SPHK2: variants seen among roughly 807,000 people sequenced by gnomAD.
The protein encoded by SPHK2 is sphingosine kinase 2.
Under a neutral mutation model 32.3 loss-of-function variants are expected in SPHK2, and 18 were observed. That is an observed-to-expected ratio of 0.56 (90% CI 0.39 to 0.83). The LOEUF is 0.83. SPHK2 is among the 40% of genes least tolerant of loss of function. The pLI, the probability that SPHK2 is intolerant of heterozygous loss-of-function variation, is 0.00. For synonymous variants in SPHK2, 462 were observed against 417.6 expected (o/e 1.11, Z -1.30); for missense variants, 850 against 908.7 (o/e 0.94, Z 0.83).
At position 48,628,200 on chromosome 19, in the gene SPHK2, A is replaced by C. The variant is rs757657024; in HGVS notation, c.795A>C (p.Glu265Asp). The C allele has an allele frequency of 5.3e-5, 86 of 1,613,646 alleles. No homozygotes were observed. The highest frequency in any genetic ancestry group is 6.4e-5 in the Non-Finnish European group (76 of 1,179,938). Reference sequence around the variant, plus strand: ...TCCTAGATCGCCCTGACTGGGAGGAAGCTGTGAAGATGCCTGTGGGCATCC... The same window carrying C: ...TCCTAGATCGCCCTGACTGGGAGGACGCTGTGAAGATGCCTGTGGGCATCC... Reference protein sequence around the residue: ...NGLLDRPDWEEAVKMPVGILP... With the variant: ...NGLLDRPDWEDAVKMPVGILP... The change falls in exon 6 of 7, where the codon GAA becomes GAC. Residue 265 changes from glutamate to aspartate, a missense_variant. Physicochemically the swap from Glu to Asp is conservative, Grantham distance 45. Transcript: ENST00000245222. The surrounding 1 kb of genome is among the most constrained non-coding windows in gnomAD (Gnocchi z 5.2).
rs779108312 is a variant in SPHK2, at chr19:48,622,757, CTTTTTTTTTT to C, written c.39+2221_39+2230del. 1.2e-4 allele frequency among the ~76,000 whole-genome samples: 13 copies of C among 108,546 alleles called. No individual in the cohort carries two copies. The East Asian group carries it at 1.9e-3, about 16-fold the overall frequency. The allele number at this position is 108,546 out of a possible 152,430, so 71.2% of individuals were successfully genotyped here. A position where few individuals can be genotyped will look rare whatever the true frequency, so the allele number is the denominator to read the frequency against. On this transcript the variant is annotated intron_variant, in intron 2 of 6. Transcript: ENST00000245222. ...CAAACTTCTTCCTACATTTGTCTCT[CTTTTTTTTTT>C]TTTTTTTTTTTTTTTTGAGACAGAG...
intron 2 of SPHK2, chr19:48,625,311 T>A (rs1283065451): frequency 3.8e-5 from 42 of 1,118,666 alleles, no homozygotes; most frequent in Non-Finnish European, 4.6e-5. Context: ...TGACCCTGTT[T>A]GTCTCCTCTC....
chr19:48,629,624 C>T lies in SPHK2; in HGVS notation c.1816C>T (p.Arg606Cys), dbSNP rs747839632. The change falls in exon 7 of 7, where the codon CGT (arginine) becomes TGT (cysteine). Residue 606 changes from arginine (R) to cysteine (C), a missense_variant. Arg to Cys is a radical substitution (Grantham distance 180). This residue lies in a region of SPHK2 where 306 missense variants were observed against 268.6 expected (regional missense o/e 1.14). Transcript: ENST00000245222. The stretch of plus-strand genomic sequence containing the variant: ...TCCGCAGCTGGGCTACGCCGCGGCC[C>T]GTGCCTTCCGCCTAGAGCCGCTCAC... Reference protein sequence around the residue: ...GCPQLGYAAARAFRLEPLTPR... With the variant: ...GCPQLGYAAACAFRLEPLTPR... 6 of 1,599,354 alleles carry T rather than the reference C, an allele frequency of 3.8e-6. No homozygotes were observed. Among genetic ancestry groups the T allele is most frequent in the Non-Finnish European group, 5.1e-6 (6 of 1,173,748 alleles).
chr19:48,624,977 G>A (rs1179218327), intron 2 of SPHK2: 2 of 987,582 alleles, frequency 2.0e-6, no homozygotes, highest in Non-Finnish European at 2.4e-6. Flanking sequence ...GCGAAAGGAG[G>A]AGGCAGAATC....
intron 2 of SPHK2, among the ~76,000 whole-genome samples, chr19:48,622,263 AAAAAAAAAAT>A (rs1356743729): frequency 8.2e-5 from 12 of 147,050 alleles, no homozygotes; most frequent in Non-Finnish European, 1.8e-4. Context: ...CGTCTCAAAA[AAAAAAAAAAT>A]AAAAAAAAAT....
chr19:48,628,807 G>A lies in SPHK2; in HGVS notation c.999G>A (p.Leu333=). 6.2e-7 allele frequency: 1 copy of A among 1,613,716 alleles called. No homozygotes were observed. Among genetic ancestry groups the A allele is most frequent in the Non-Finnish European group, 8.5e-7 (1 of 1,180,030 alleles). The change falls in exon 7 of 7, where the codon CTG becomes CTA. Residue 333 remains leucine, a synonymous_variant. Coordinates refer to ENST00000245222, the MANE Select transcript of SPHK2 (RefSeq NM_020126.5). This position sits in a 1 kb window ranked among gnomAD's most constrained non-coding sequence, Gnocchi z 5.2. ...CGGGCTCCCGCTGTTTCTCCTTCCT[G>A]TCTGTGGCCTGGGGCTTCGTGTCAG... ...LASGSRCFSF[L]SVAWGFVSDV... is the part of the protein sequence containing the mutation.
Position 48,628,339 on chromosome 19 carries a change from A to T in SPHK2, c.872+62A>T. 2.1e-6 allele frequency: 3 copies of T among 1,462,266 alleles called. No individual in the cohort carries two copies. The South Asian group carries it at 3.4e-5, about 17-fold the overall frequency. 90.6% of individuals were successfully genotyped at this position (1,462,266 alleles called of 1,614,324 possible). ...CTCCTGGGGTGATAGGGACCCCTATATCTCCCACTCAGCCAAACCCACAGT... is the reference window on the plus strand; with the variant it reads ...CTCCTGGGGTGATAGGGACCCCTATTTCTCCCACTCAGCCAAACCCACAGT... On this transcript the variant is annotated intron_variant, in intron 6 of 6. Transcript: ENST00000245222. This position sits in a 1 kb window ranked among gnomAD's most constrained non-coding sequence, Gnocchi z 5.2.
In SPHK2 at chr19:48,629,991, C is replaced by A; in HGVS notation, c.*218C>A. 1.4e-6 allele frequency: 2 copies of A among 1,393,642 alleles called. No individual in the cohort carries two copies. The highest frequency in any genetic ancestry group is 2.6e-5 in the East Asian group (1 of 38,768). 86.3% of individuals were successfully genotyped at this position (1,393,642 alleles called of 1,614,324 possible). A position where few individuals can be genotyped will look rare whatever the true frequency, so the allele number is the denominator to read the frequency against. On this transcript the variant is annotated 3_prime_UTR_variant, in exon 7 of 7. Coordinates refer to ENST00000245222, the MANE Select transcript of SPHK2 (RefSeq NM_020126.5). ...GCTCGTCCCGAGGGTAGTGCCTGAT[C>A]AATGAGGGCGGGGCCTGGCGTCTGA... is the stretch of plus-strand genomic sequence containing the variant.
Position 48,626,212 on chromosome 19 carries a change from C to T in SPHK2, c.361C>T (p.Pro121Ser). 6.3e-7 allele frequency: 1 copy of T among 1,595,658 alleles called. No homozygotes were observed. Among genetic ancestry groups the T allele is most frequent in the Non-Finnish European group, 8.5e-7 (1 of 1,175,802 alleles). ...SAAYFCIYTY[P>S]RGRRGARRRA... ...GGCCTACTTCTGCATCTACACCTACCCTCGGGGCCGGCGCGGGGCCCGGCG... is the reference window on the plus strand; with the variant it reads ...GGCCTACTTCTGCATCTACACCTACTCTCGGGGCCGGCGCGGGGCCCGGCG... The change falls in exon 3 of 7, where the codon CCT becomes TCT. Residue 121 changes from proline (P) to serine (S), a missense_variant. Around this residue, in one of 2 missense-constraint regions of SPHK2, gnomAD observed 544 missense variants for 640.0 expected, o/e 0.85. Transcript: ENST00000245222.
chr19:48,629,288 C>T lies in SPHK2; in HGVS notation c.1480C>T (p.Pro494Ser), dbSNP rs200532563. Reference protein sequence around the residue: ...SPVSEGAPVIPPSSGLPLPTP... With the variant: ...SPVSEGAPVISPSSGLPLPTP... ...CGTCTCCGAAGGGGCCCCCGTAATT[C>T]CCCCATCCTCTGGGCTCCCACTTCC... is the stretch of plus-strand genomic sequence containing the variant. The change falls in exon 7 of 7, where the codon CCC becomes TCC. Residue 494 changes from proline to serine, a missense_variant. This residue lies in a region of SPHK2 where 306 missense variants were observed against 268.6 expected (regional missense o/e 1.14). Coordinates refer to ENST00000245222, the MANE Select transcript of SPHK2 (RefSeq NM_020126.5). 30 of 1,613,496 alleles carry T rather than the reference C, an allele frequency of 1.9e-5. No homozygotes were observed. Among genetic ancestry groups the T allele is most frequent in the East Asian group, 2.2e-5 (1 of 44,896 alleles).
In SPHK2 at chr19:48,630,087, C is replaced by T; in HGVS notation, c.*314C>T. ...ACCTGCTCCTACCCGGCCAGGATGG[C>T]TGAGGGCGGAGTCTATTTTACGCGT... On this transcript the variant is annotated 3_prime_UTR_variant, in exon 7 of 7. Coordinates refer to ENST00000245222, the MANE Select transcript of SPHK2 (RefSeq NM_020126.5). This position sits in a 1 kb window ranked among gnomAD's most constrained non-coding sequence, Gnocchi z 4.9. The T allele has an allele frequency of 2.3e-6, 3 of 1,278,578 alleles. No individual in the cohort carries two copies. Among genetic ancestry groups the T allele is most frequent in the Non-Finnish European group, 3.0e-6 (3 of 1,012,498 alleles). The allele number at this position is 1,278,578 out of a possible 1,614,324, so 79.2% of individuals were successfully genotyped here.
rs778410723 is a variant in SPHK2 at position 48,627,939 on chromosome 19, G to C, written c.662-36G>C. 7.0e-6 allele frequency: 11 copies of C among 1,566,670 alleles called. No homozygotes were observed. The Admixed American group carries it at 2.0e-4, about 29-fold the overall frequency. ...CTCCTGGGTCTATGGGGCTGGGGTG[G>C]GACAGCCTGCCTAACAGCCCGGTAT... On this transcript the variant is annotated intron_variant, in intron 4 of 6. Coordinates refer to ENST00000245222, the MANE Select transcript of SPHK2 (RefSeq NM_020126.5).
Position 48,629,289 on chromosome 19 carries a change from C to T in SPHK2, c.1481C>T (p.Pro494Leu). 1 of 1,613,624 alleles carries T rather than the reference C, an allele frequency of 6.2e-7. No individual in the cohort carries two copies. Among genetic ancestry groups the T allele is most frequent in the South Asian group, 1.1e-5 (1 of 91,090 alleles). Reference sequence around the variant, plus strand: ...GTCTCCGAAGGGGCCCCCGTAATTCCCCCATCCTCTGGGCTCCCACTTCCC... The same window carrying T: ...GTCTCCGAAGGGGCCCCCGTAATTCTCCCATCCTCTGGGCTCCCACTTCCC... ...SPVSEGAPVIPPSSGLPLPTP... is the reference protein window; with the variant it reads ...SPVSEGAPVILPSSGLPLPTP... Residue 494 changes from proline (P) to leucine (L), a missense_variant, in exon 7 of 7, where the codon CCC becomes CTC. Pro to Leu is a moderately conservative substitution (Grantham distance 98). Transcript: ENST00000245222.
rs139723603 is a variant in SPHK2 at position 48,626,685 on chromosome 19, G to A, written c.511+323G>A. 41 of 231,214 alleles carry A rather than the reference G, an allele frequency of 1.8e-4. No homozygotes were observed. In the East Asian group the frequency reaches 4.2e-3, roughly 24 times the overall value. 14.3% of individuals were successfully genotyped at this position (231,214 alleles called of 1,614,324 possible). A position where few individuals can be genotyped will look rare whatever the true frequency, so the allele number is the denominator to read the frequency against. Reference sequence around the variant, plus strand: ...CAAAAAATTAGCCGGGTGTGGTGCTGCGCACCTGTAATCCCAGCTACAGGA... The same window carrying A: ...CAAAAAATTAGCCGGGTGTGGTGCTACGCACCTGTAATCCCAGCTACAGGA... On this transcript the variant is annotated intron_variant, in intron 3 of 6. Coordinates refer to ENST00000245222, the MANE Select transcript of SPHK2 (RefSeq NM_020126.5).
intron 2 of SPHK2, among the ~76,000 whole-genome samples, chr19:48,622,192 G>A (rs1384790415): frequency 6.6e-6 from 1 of 151,356 alleles, no homozygotes; most frequent in Admixed American, 6.6e-5. Context: ...CCGGGAGGCG[G>A]AGCTTGCAGT....
rs763254269 is a variant in SPHK2, at chr19:48,626,234, G to A, written c.383G>A (p.Arg128Gln). 1.1e-5 allele frequency: 17 copies of A among 1,595,306 alleles called. No homozygotes were observed. Among genetic ancestry groups the A allele is most frequent in the East Asian group, 2.2e-5 (1 of 44,734 alleles). The change falls in exon 3 of 7, where the codon CGG (arginine) becomes CAG (glutamine). Residue 128 changes from arginine to glutamine, a missense_variant. Physicochemically the swap from Arg to Gln is conservative, Grantham distance 43. Coordinates refer to ENST00000245222, the MANE Select transcript of SPHK2 (RefSeq NM_020126.5). Reference sequence around the variant, plus strand: ...TACCCTCGGGGCCGGCGCGGGGCCCGGCGCAGAGCCACTCGCACCTTCCGG... The same window carrying A: ...TACCCTCGGGGCCGGCGCGGGGCCCAGCGCAGAGCCACTCGCACCTTCCGG... ...YTYPRGRRGA[R>Q]RRATRTFRAD...
At chr19:48,622,198 G>A (rs1974432624) in intron 2 of SPHK2, among the ~76,000 whole-genome samples, 1 of 150,398 alleles carries the variant, frequency 6.6e-6, no homozygotes, top group Admixed American at 6.7e-5. Flanking sequence ...GGCGGAGCTT[G>A]CAGTGAGTCG....
intron 3 of SPHK2, 139 bp downstream of exon 3, chr19:48,626,501 G>C (rs985037410): frequency 1.8e-6 from 2 of 1,136,978 alleles, no homozygotes; most frequent in African/African-American, 3.2e-5. Flanking sequence ...GATACACAGG[G>C]ATGGGCTACA....
Position 48,629,238 on chromosome 19 carries a change from C to T in SPHK2, c.1430C>T (p.Ser477Phe), listed in dbSNP as rs754607474. The T allele has an allele frequency of 2.5e-6, 4 of 1,613,598 alleles. No individual in the cohort carries two copies. Among genetic ancestry groups the T allele is most frequent in the East Asian group, 2.2e-5 (1 of 44,854 alleles). The change falls in exon 7 of 7, where the codon TCT (serine) becomes TTT (phenylalanine). Residue 477 changes from serine (S) to phenylalanine (F), a missense_variant. Around this residue, in one of 2 missense-constraint regions of SPHK2, gnomAD observed 306 missense variants for 268.6 expected, o/e 1.14. Coordinates refer to ENST00000245222, the MANE Select transcript of SPHK2 (RefSeq NM_020126.5). ...PDPLLSSPPG[S>F]PKAALHSPVS... ...CCACTGCTGTCTTCACCTCCTGGCT[C>T]TCCCAAGGCAGCTCTACACTCACCC... is the stretch of plus-strand genomic sequence containing the variant.
Sources: gnomAD v4.1 joint callset for allele counts (sites outside exome capture counted in the v4.1 genomes callset) on GRCh38, gnomAD v4.1.1 for gene constraint, gnomAD v4.1.1 regional missense constraint, Gnocchi (gnomAD v3.1) non-coding constraint, MANE v1.5 for transcripts, NCBI Gene and HGNC (gene_info 2026-07-23, HGNC 2026-07-21) for gene names.